The following ZBTB20 variants were observed in gnomAD, a reference collection of about 807,000 sequenced individuals.
ZBTB20 encodes zinc finger and BTB domain containing 20.
In ZBTB20, 9 loss-of-function variants were observed where a neutral mutation model predicts 56.9. That is an observed-to-expected ratio of 0.16 (90% CI 0.10 to 0.28). The LOEUF (loss-of-function observed/expected upper bound fraction) is 0.28. ZBTB20 is among the 10% of genes least tolerant of loss of function. The probability of loss-of-function intolerance (pLI) is 1.00; values close to 1 mark genes in which losing one functional copy is unlikely to be tolerated. For missense variants in ZBTB20, 655 were observed against 1,003.0 expected, an observed-to-expected ratio of 0.65 and a Z score of 4.69; for synonymous variants, 417 against 420.7, an observed-to-expected ratio of 0.99 and a Z score of 0.11.
intron 10 of ZBTB20, chr3:114,366,696 T>A (rs1335993656): frequency 6.6e-6 from 1 of 152,198 alleles, no homozygotes; most frequent in Non-Finnish European, 1.5e-5. Context: ...AATTCTACAG[T>A]GAGAAGCAAA....
intron 6 of ZBTB20, among the ~76,000 whole-genome samples, chr3:114,534,329 G>C (rs2048211179): frequency 6.6e-6 from 1 of 151,952 alleles, no homozygotes; most frequent in African/African-American, 2.4e-5. Flanking sequence ...AAAATGCAGG[G>C]GTTGCAATCC....
At chr3:114,372,732 C>A (rs1560155270) in intron 10 of ZBTB20, among the ~76,000 whole-genome samples, 1 of 151,984 alleles carries the variant, frequency 6.6e-6, no homozygotes, top group African/African-American at 2.4e-5. Context: ...ATGTTCCCAG[C>A]TACTCAGGAG....
At chr3:114,458,621 T>A (rs983235618) in intron 7 of ZBTB20, among the ~76,000 whole-genome samples, 5 of 152,144 alleles carry the variant, frequency 3.3e-5, no homozygotes, top group Non-Finnish European at 7.4e-5. Context: ...AAAACTTCGA[T>A]ATTTTAGAGT....
chr3:114,998,663 T>C (rs2079122262), intron 2 of ZBTB20, among the ~76,000 whole-genome samples: 1 of 151,704 alleles, frequency 6.6e-6, no homozygotes, highest in Non-Finnish European at 1.5e-5. Flanking sequence ...GTTAACTGAA[T>C]GTGGTAGTCA....
At chr3:114,603,731 A>T (rs1421995225) in intron 6 of ZBTB20, among the ~76,000 whole-genome samples, 7 of 152,012 alleles carry the variant, frequency 4.6e-5, no homozygotes, top group Non-Finnish European at 8.8e-5. Flanking sequence ...GAAAAGGCTA[A>T]GGAGATGAAC....
intron 1 of ZBTB20, among the ~76,000 whole-genome samples, chr3:115,139,734 CTGT>C (rs1353297072): frequency 1.3e-5 from 2 of 151,992 alleles, no homozygotes; most frequent in Non-Finnish European, 2.9e-5. Context: ...TTGATTCATT[CTGT>C]TGTTACCTGC....
chr3:114,725,558 AATTG>A (rs1397991557), intron 5 of ZBTB20, among the ~76,000 whole-genome samples: 4 of 152,236 alleles, frequency 2.6e-5, no homozygotes, highest in African/African-American at 9.6e-5. Context: ...TTTTAAATGC[AATTG>A]ATTACTTCGC....
chr3:115,142,224 T>C (rs1186472037), intron 1 of ZBTB20, among the ~76,000 whole-genome samples: 1 of 152,206 alleles, frequency 6.6e-6, no homozygotes, highest in Non-Finnish European at 1.5e-5. Flanking sequence ...TATTGATATG[T>C]CTTTATTCAA....
chr3:114,370,527 T>G (rs936373462), intron 10 of ZBTB20, among the ~76,000 whole-genome samples: 2 of 152,166 alleles, frequency 1.3e-5, no homozygotes, highest in Non-Finnish European at 2.9e-5. Context: ...ACTATCCTGG[T>G]TTTTCTCCTA....
chr3:114,884,142 G>T (rs2076514145), intron 4 of ZBTB20, among the ~76,000 whole-genome samples: 1 of 151,248 alleles, frequency 6.6e-6, no homozygotes, highest in South Asian at 2.1e-4. Context: ...AGCCGGGATG[G>T]TGTCGATCTC....
intron 6 of ZBTB20, among the ~76,000 whole-genome samples, chr3:114,638,479 C>T (rs986327989): frequency 2.0e-5 from 3 of 152,050 alleles, no homozygotes; most frequent in Non-Finnish European, 4.4e-5. Flanking sequence ...CTACCTGCTG[C>T]TGAACACATT....
intron 6 of ZBTB20, chr3:114,519,287 T>C (rs1218205341): frequency 6.6e-6 from 1 of 152,218 alleles, no homozygotes; most frequent in Non-Finnish European, 1.5e-5. Context: ...TAAGCATATA[T>C]ACTAATTTAG....
At chr3:114,538,621 A>G (rs1267297568) in intron 6 of ZBTB20, among the ~76,000 whole-genome samples, 3 of 152,068 alleles carry the variant, frequency 2.0e-5, no homozygotes, top group Admixed American at 6.6e-5. Context: ...TAGGTAACCA[A>G]CCACGCAGTT....
At chr3:114,695,039 G>A (rs966847897) in intron 5 of ZBTB20, among the ~76,000 whole-genome samples, 2 of 151,990 alleles carry the variant, frequency 1.3e-5, no homozygotes, top group African/African-American at 4.8e-5. Flanking sequence ...ACTGAAACAC[G>A]GAAAATATTT....
intron 5 of ZBTB20, among the ~76,000 whole-genome samples, chr3:114,723,892 G>A (rs549695104): frequency 1.3e-5 from 2 of 150,544 alleles, no homozygotes; most frequent in East Asian, 2.0e-4. Context: ...TTTCTTAGAC[G>A]GAGTCTCACT....
chr3:114,857,241 G>A (rs1321836709), intron 4 of ZBTB20, among the ~76,000 whole-genome samples: 1 of 152,102 alleles, frequency 6.6e-6, no homozygotes, highest in Non-Finnish European at 1.5e-5. Context: ...TTGAGATCAC[G>A]TCTTCATCAC....
chr3:114,994,084 T>C (rs1490934448), intron 2 of ZBTB20, among the ~76,000 whole-genome samples: 7 of 151,670 alleles, frequency 4.6e-5, no homozygotes, highest in Non-Finnish European at 1.5e-5. Context: ...AGAAAGAAAA[T>C]AGAGGCACTG....
At chr3:114,690,017 G>GA (rs992104461) in intron 6 of ZBTB20, among the ~76,000 whole-genome samples, 51 of 150,576 alleles carry the variant, frequency 3.4e-4, no homozygotes, top group African/African-American at 1.1e-3. Flanking sequence ...GAAATGGAAA[G>GA]AAAAAAAAAG....
intron 3 of ZBTB20, among the ~76,000 whole-genome samples, chr3:114,957,864 C>G (rs927617320): frequency 6.6e-6 from 1 of 152,216 alleles, no homozygotes; most frequent in Non-Finnish European, 1.5e-5. Flanking sequence ...TTTGATAGCT[C>G]TTATCTGGGA....
Sources: gnomAD v4.1 joint callset for allele counts (sites outside exome capture counted in the v4.1 genomes callset) on GRCh38, gnomAD v4.1.1 for gene constraint, MANE v1.5 for transcripts, NCBI Gene and HGNC (gene_info 2026-07-23, HGNC 2026-07-21) for gene names.